The following ZNF407 variants were observed in gnomAD, a reference collection of about 807,000 sequenced individuals.
The protein encoded by ZNF407 is zinc finger protein 407.
A neutral mutation model predicts 131.2 loss-of-function variants in ZNF407; 17 were observed. That is an observed-to-expected ratio of 0.13 (90% CI 0.09 to 0.19). The LOEUF (loss-of-function observed/expected upper bound fraction) is 0.19. ZNF407 is among the 10% of genes least tolerant of loss of function. The probability of loss-of-function intolerance (pLI) is 1.00; values close to 1 mark genes in which losing one functional copy is unlikely to be tolerated. For synonymous variants in ZNF407, 1,156 were observed against 1,062.0 expected (o/e 1.09, Z -1.72); for missense variants, 2,681 against 2,830.6 (o/e 0.95, Z 1.20).
At chr18:74,722,181 T>C (rs942932570) in intron 3 of ZNF407, among the ~76,000 whole-genome samples, 1 of 152,136 alleles carries the variant, frequency 6.6e-6, no homozygotes, top group African/African-American at 2.4e-5. Context: ...TTGAGGAACT[T>C]TCAGCCATTA....
At chr18:74,768,636 A>T (rs752495193) in intron 3 of ZNF407, among the ~76,000 whole-genome samples, 1 of 152,086 alleles carries the variant, frequency 6.6e-6, no homozygotes, top group Non-Finnish European at 1.5e-5. Flanking sequence ...TTTACTCTAG[A>T]CTTCTGTATA....
chr18:74,982,618 C>T (rs998912741), intron 8 of ZNF407, among the ~76,000 whole-genome samples: 5 of 152,194 alleles, frequency 3.3e-5, no homozygotes, highest in East Asian at 1.9e-4. Flanking sequence ...GTAATCAGGG[C>T]GTTGCCTGTT....
chr18:74,938,650 G>A (rs893680183), intron 8 of ZNF407, among the ~76,000 whole-genome samples: 1 of 152,212 alleles, frequency 6.6e-6, no homozygotes, highest in African/African-American at 2.4e-5. Flanking sequence ...TTTATTGGAT[G>A]AATGTAGATT....
At chr18:74,606,305 T>C (rs1982803519) in intron 1 of ZNF407, among the ~76,000 whole-genome samples, 1 of 152,234 alleles carries the variant, frequency 6.6e-6, no homozygotes, top group Non-Finnish European at 1.5e-5. Context: ...AATGCTGAAT[T>C]CTATCTGGAA....
intron 4 of ZNF407, among the ~76,000 whole-genome samples, chr18:74,829,768 C>A (rs1274962261): frequency 1.3e-5 from 2 of 150,642 alleles, no homozygotes; most frequent in African/African-American, 4.9e-5. Flanking sequence ...GTTTCTGGAT[C>A]ACATTTGAAA....
chr18:74,963,246 A>G (rs1265114540), intron 8 of ZNF407, among the ~76,000 whole-genome samples: 1 of 150,796 alleles, frequency 6.6e-6, no homozygotes, highest in Non-Finnish European at 1.5e-5. Context: ...AGTTCACTCC[A>G]TATCTGACTT....
intron 4 of ZNF407, among the ~76,000 whole-genome samples, chr18:74,822,059 C>T (rs889658100): frequency 7.9e-5 from 12 of 152,166 alleles, no homozygotes; most frequent in Admixed American, 4.6e-4. Flanking sequence ...TTGTTGGCTG[C>T]ATAAATGTCT....
At chr18:74,698,731 G>C (rs903502061) in intron 3 of ZNF407, among the ~76,000 whole-genome samples, 1 of 152,196 alleles carries the variant, frequency 6.6e-6, no homozygotes. Context: ...TTGTAGCATA[G>C]TATGGTGAGA....
chr18:74,657,968 C>A (rs1434609806), intron 3 of ZNF407, among the ~76,000 whole-genome samples: 3 of 149,862 alleles, frequency 2.0e-5, no homozygotes, highest in African/African-American at 7.5e-5. Context: ...CCATTTCCTC[C>A]TCTTTCCTTT....
rs1159765298 is a variant in ZNF407 at position 75,063,727 on chromosome 18, G to A, written c.6006G>A (p.Val2002=). 1.9e-6 allele frequency: 3 copies of A among 1,612,312 alleles called. No individual in the cohort carries two copies. The highest frequency in any genetic ancestry group is 1.7e-5 in the Admixed American group (1 of 59,978). Residue 2002 remains valine (V), a synonymous_variant, in exon 9 of 9, where the codon GTG becomes GTA. Transcript: ENST00000299687. The surrounding 1 kb of genome is among the most constrained non-coding windows in gnomAD (Gnocchi z 6.6). ...LLCAVTELGE[V]EGRAGLEEQG... Reference sequence around the variant, plus strand: ...GTGCGGTCACTGAATTAGGGGAGGTGGAGGGCAGGGCTGGGCTCGAGGAGC... The same window carrying A: ...GTGCGGTCACTGAATTAGGGGAGGTAGAGGGCAGGGCTGGGCTCGAGGAGC...
chr18:74,661,130 A>G (rs1357408115), intron 3 of ZNF407, among the ~76,000 whole-genome samples: 1 of 152,142 alleles, frequency 6.6e-6, no homozygotes, highest in Non-Finnish European at 1.5e-5. Flanking sequence ...AAAGAAATCA[A>G]TATGCATGAT....
chr18:74,719,058 T>C (rs1300920993), intron 3 of ZNF407, among the ~76,000 whole-genome samples: 14 of 152,204 alleles, frequency 9.2e-5, no homozygotes, highest in Admixed American at 9.2e-4. Flanking sequence ...ATTTTTTAAA[T>C]TGACATATTA....
intron 3 of ZNF407, among the ~76,000 whole-genome samples, chr18:74,652,603 C>A (rs1483172803): frequency 6.6e-6 from 1 of 152,000 alleles, no homozygotes; most frequent in South Asian, 2.1e-4. Flanking sequence ...TCTAACACTT[C>A]TACTGGGGTA....
intron 4 of ZNF407, among the ~76,000 whole-genome samples, chr18:74,827,119 G>A (rs1970419920): frequency 2.0e-5 from 3 of 152,134 alleles, no homozygotes; most frequent in Non-Finnish European, 2.9e-5. Flanking sequence ...TGGACATTTC[G>A]AATACTAGAG....
chr18:74,961,265 A>G (rs1278114894), intron 8 of ZNF407, among the ~76,000 whole-genome samples: 7 of 152,200 alleles, frequency 4.6e-5, no homozygotes, highest in Non-Finnish European at 7.3e-5. Flanking sequence ...TACTGCCTCT[A>G]TCTCCATATC....
intron 3 of ZNF407, among the ~76,000 whole-genome samples, chr18:74,705,891 A>T (rs891015875): frequency 6.6e-6 from 1 of 152,220 alleles, no homozygotes; most frequent in Non-Finnish European, 1.5e-5. Flanking sequence ...AGCGGTCTAC[A>T]TTGTATCCTA....
chr18:74,633,375 A>G lies in ZNF407; in HGVS notation c.2356A>G (p.Lys786Glu), dbSNP rs1335611982. 2 of 1,614,004 alleles carry G rather than the reference A, an allele frequency of 1.2e-6. No individual in the cohort carries two copies. Among genetic ancestry groups the G allele is most frequent in the Non-Finnish European group, 1.7e-6 (2 of 1,179,904 alleles). ...ERVCIGANDK[K>E]EEFDVSGNGR... is the part of the protein sequence containing the mutation. ...GGTATGTATAGGTGCAAATGATAAA[A>G]AAGAAGAGTTTGATGTTTCCGGAAA... Residue 786 changes from lysine to glutamate, a missense_variant, in exon 2 of 9, where the codon AAA becomes GAA. Lys to Glu is a moderately conservative substitution (Grantham distance 56). This residue lies in a region of ZNF407 where 1,789 missense variants were observed against 1,748.7 expected (regional missense o/e 1.02). Transcript: ENST00000299687.
chr18:74,760,904 C>T (rs1289862080), intron 3 of ZNF407, among the ~76,000 whole-genome samples: 1 of 152,136 alleles, frequency 6.6e-6, no homozygotes, highest in Non-Finnish European at 1.5e-5. Context: ...AGTCTTCATA[C>T]TCTTTTCTAT....
At chr18:74,954,027 T>G (rs890269830) in intron 8 of ZNF407, among the ~76,000 whole-genome samples, 2 of 152,276 alleles carry the variant, frequency 1.3e-5, no homozygotes, top group African/African-American at 2.4e-5. Flanking sequence ...CATACCCACA[T>G]AAATGTATTT....
Sources: gnomAD v4.1 joint callset for allele counts (sites outside exome capture counted in the v4.1 genomes callset) on GRCh38, gnomAD v4.1.1 for gene constraint, gnomAD v4.1.1 regional missense constraint, Gnocchi (gnomAD v3.1) non-coding constraint, MANE v1.5 for transcripts, NCBI Gene and HGNC (gene_info 2026-07-23, HGNC 2026-07-21) for gene names.